The following WNK2 variants were observed in gnomAD, a reference collection of about 807,000 sequenced individuals.
The protein encoded by WNK2 is WNK lysine deficient protein kinase 2.
In WNK2, 67 loss-of-function variants were observed where a neutral mutation model predicts 192.1. That is an observed-to-expected ratio of 0.35 (90% CI 0.29 to 0.43). WNK2 has a LOEUF of 0.43. WNK2 is among the 20% of genes least tolerant of loss of function. The pLI is 1.00. For synonymous variants in WNK2, 1,439 were observed against 1,393.9 expected (o/e 1.03, Z -0.72); for missense variants, 2,698 against 3,089.7 (o/e 0.87, Z 3.01).
intron 2 of WNK2, among the ~76,000 whole-genome samples, chr9:93,219,732 AG>A (rs1332335327): frequency 3.3e-5 from 5 of 152,336 alleles, no homozygotes; most frequent in Admixed American, 6.5e-5. Context: ...CAGCCCTGCA[AG>A]CTTTAAAACA....
At chr9:93,264,065 G>C in intron 16 of WNK2, 32 bp downstream of exon 16, 8 of 1,534,620 alleles carry the variant, frequency 5.2e-6, no homozygotes, top group Non-Finnish European at 7.2e-6. Context: ...TTGGCTCCCG[G>C]TGTTTCTTGG....
Position 93,262,724 on chromosome 9 carries a change from T to G in WNK2, c.3410+5T>G, listed in dbSNP as rs1205479537. The G allele has an allele frequency of 8.7e-6, 14 of 1,611,920 alleles. No homozygotes were observed. Among genetic ancestry groups the G allele is most frequent in the Non-Finnish European group, 1.1e-5 (13 of 1,179,866 alleles). On this transcript the variant is annotated splice_donor_5th_base_variant and intron_variant, in intron 14 of 29. Transcript: ENST00000427277. Reference sequence around the variant, plus strand: ...CCTCCCGCAGAGCTGTGAGAGGTAGTGTGGCCCAGCCTCGACCTCGCAGGA... The same window carrying G: ...CCTCCCGCAGAGCTGTGAGAGGTAGGGTGGCCCAGCCTCGACCTCGCAGGA...
intron 9 of WNK2, 22 bp from the exon 10 acceptor site, chr9:93,256,277 G>A (rs1395771089): frequency 1.3e-6 from 2 of 1,507,894 alleles, no homozygotes; most frequent in East Asian, 2.5e-5. Context: ...GCTGCTGAGT[G>A]TGGCCCTGGT....
At chr9:93,271,164 T>A (rs1845951780) in intron 19 of WNK2, among the ~76,000 whole-genome samples, 1 of 152,086 alleles carries the variant, frequency 6.6e-6, no homozygotes, top group Non-Finnish European at 1.5e-5. Context: ...CTGTTTCAGA[T>A]GAGATTAGTA....
At chr9:93,269,480 G>C (rs1307794125) in intron 19 of WNK2, among the ~76,000 whole-genome samples, 1 of 152,188 alleles carries the variant, frequency 6.6e-6, no homozygotes, top group African/African-American at 2.4e-5. Context: ...TCCCATGGGG[G>C]ACAGGTCAGC....
chr9:93,231,911 T>G (rs1470938956), intron 4 of WNK2, among the ~76,000 whole-genome samples: 1 of 152,128 alleles, frequency 6.6e-6, no homozygotes, highest in Non-Finnish European at 1.5e-5. Context: ...TGGTCCTGGG[T>G]GGGGGCCTCC....
intron 2 of WNK2, among the ~76,000 whole-genome samples, chr9:93,203,007 GGTCTGT>G (rs1832756992): frequency 6.6e-6 from 1 of 151,994 alleles, no homozygotes; most frequent in African/African-American, 2.4e-5. Context: ...GGCCCTCTGA[GGTCTGT>G]GTCCAAGTGG....
At chr9:93,255,398 T>C (rs926371469) in intron 9 of WNK2, among the ~76,000 whole-genome samples, 3 of 152,148 alleles carry the variant, frequency 2.0e-5, no homozygotes, top group African/African-American at 7.2e-5. Context: ...CCAGAGCTGG[T>C]AGACGGATGG....
At chr9:93,296,436 C>G (rs576804064) in intron 23 of WNK2, among the ~76,000 whole-genome samples, 2 of 31,246 alleles carry the variant, frequency 6.4e-5, no homozygotes, top group East Asian at 1.6e-3. Context: ...CCTCACCTTC[C>G]TCCTTCTCCA....
At chr9:93,233,489 A>G (rs1385995705) in intron 4 of WNK2, among the ~76,000 whole-genome samples, 1 of 152,142 alleles carries the variant, frequency 6.6e-6, no homozygotes, top group East Asian at 1.9e-4. Flanking sequence ...TGAGGTCAGA[A>G]GTTCGAGAAC....
chr9:93,306,211 C>A (rs375209594), intron 26 of WNK2, among the ~76,000 whole-genome samples: 2 of 152,178 alleles, frequency 1.3e-5, no homozygotes, highest in Non-Finnish European at 2.9e-5. Flanking sequence ...AGATAGAAAC[C>A]CTCGAGTCCC....
chr9:93,243,177 G>C (rs545952179), intron 7 of WNK2, among the ~76,000 whole-genome samples: 1 of 152,176 alleles, frequency 6.6e-6, no homozygotes, highest in Non-Finnish European at 1.5e-5. Context: ...TCTGTCCTAA[G>C]GTGGCAAAGC....
rs1383009455 is a variant in WNK2 at position 93,292,493 on chromosome 9, T to C, written c.5028T>C (p.Asp1676=). 1.9e-6 allele frequency: 3 copies of C among 1,602,006 alleles called. No individual in the cohort carries two copies. Among genetic ancestry groups the C allele is most frequent in the South Asian group, 1.1e-5 (1 of 89,486 alleles). ...DSHVVPSVPQ[D]VPAFVRPARV... Reference sequence around the variant, plus strand: ...TTCATCTCCGCTTGTTTCCCAAGGATGTACCTGCTTTTGTGAGACCTGCAC... The same window carrying C: ...TTCATCTCCGCTTGTTTCCCAAGGACGTACCTGCTTTTGTGAGACCTGCAC... The change falls in exon 23 of 30, where the codon GAT becomes GAC. Residue 1676 remains aspartate, a splice_region_variant and synonymous_variant. Coordinates refer to ENST00000427277, the MANE Select transcript of WNK2 (RefSeq NM_006648.4).
At chr9:93,253,120 C>G in intron 9 of WNK2, 38 bp downstream of exon 9, 1 of 1,353,840 alleles carries the variant, frequency 7.4e-7, no homozygotes, top group Non-Finnish European at 9.5e-7. Flanking sequence ...TTCCCCATCC[C>G]CATTACCTGG....
At chr9:93,270,386 G>A (rs1171597042) in intron 19 of WNK2, among the ~76,000 whole-genome samples, 2 of 152,238 alleles carry the variant, frequency 1.3e-5, no homozygotes, top group Non-Finnish European at 2.9e-5. Context: ...TGGGTGCTGG[G>A]TAAGGTAGAG....
intron 2 of WNK2, among the ~76,000 whole-genome samples, chr9:93,206,787 C>A (rs999962330): frequency 2.0e-5 from 3 of 152,198 alleles, no homozygotes; most frequent in Non-Finnish European, 4.4e-5. Flanking sequence ...TAGAGTGACA[C>A]CTGCTTCCCC....
intron 16 of WNK2, among the ~76,000 whole-genome samples, chr9:93,265,048 T>C (rs1844936121): frequency 6.6e-6 from 1 of 152,218 alleles, no homozygotes; most frequent in Non-Finnish European, 1.5e-5. Context: ...GTCCCTGCCT[T>C]AGTGTCTGCT....
intron 9 of WNK2, among the ~76,000 whole-genome samples, chr9:93,253,837 C>T (rs180846813): frequency 1.1e-4 from 17 of 152,314 alleles, no homozygotes; most frequent in East Asian, 3.9e-4. Context: ...AATTGCTCCT[C>T]GCAGTCCCAA....
At chr9:93,203,606 A>G in intron 2 of WNK2, among the ~76,000 whole-genome samples, 1 of 152,274 alleles carries the variant, frequency 6.6e-6, no homozygotes, top group East Asian at 1.9e-4. Context: ...GTGACTTTGC[A>G]GATGGGATTA....
Sources: allele counts gnomAD v4.1 joint callset (sites outside exome capture counted in the v4.1 genomes callset), GRCh38; gene constraint gnomAD v4.1.1; transcripts MANE v1.5; gene names NCBI Gene and HGNC (gene_info 2026-07-23, HGNC 2026-07-21).